Variants in ARID2 observed in about 807,000 individuals in gnomAD.
ARID2 encodes AT-rich interaction domain 2.
In ARID2, 32 loss-of-function variants were observed where a neutral mutation model predicts 184.6. The ratio of observed to expected loss-of-function variants is 0.17; its 90% CI spans 0.13 to 0.23. ARID2 has a LOEUF of 0.23. ARID2 is among the 10% of genes least tolerant of loss of function. ARID2 has a pLI of 1.00. For missense variants in ARID2, 1,696 were observed against 2,197.6 expected (o/e 0.77, Z 4.56); for synonymous variants, 836 against 772.6 (o/e 1.08, Z -1.36).
At position 45,904,819 on chromosome 12, in the gene ARID2, C is replaced by T. The variant is rs557354112; in HGVS notation, c.5364-115C>T. ...TCCTGCAATACTATATTAACATTTA[C>T]GGGGTGTGGAGCTATGTATTGTTTC... On this transcript the variant is annotated intron_variant, in intron 20 of 20. Transcript: ENST00000334344. The T allele has an allele frequency of 6.0e-4, 581 of 976,092 alleles. 3 individuals are homozygous for T. In the South Asian group the frequency reaches 9.7e-3, roughly 16 times the overall value. The allele number at this position is 976,092 out of a possible 1,614,324, so 60.5% of individuals were successfully genotyped here. A position where few individuals can be genotyped will look rare whatever the true frequency, so the allele number is the denominator to read the frequency against.
intron 1 of ARID2, 26 bp downstream of exon 1, chr12:45,729,954 G>A (rs1940943770): frequency 6.3e-7 from 1 of 1,599,838 alleles, no homozygotes. Context: ...GGGGGGCAGC[G>A]CCGGGGCGAG....
intron 5 of ARID2, among the ~76,000 whole-genome samples, chr12:45,818,658 A>G (rs1398725575): frequency 6.6e-6 from 1 of 152,158 alleles, no homozygotes; most frequent in Non-Finnish European, 1.5e-5. Context: ...AATTATATAT[A>G]TAGCACAGTA....
At chr12:45,846,303 C>T (rs903302712) in intron 11 of ARID2, among the ~76,000 whole-genome samples, 1 of 151,992 alleles carries the variant, frequency 6.6e-6, no homozygotes, top group African/African-American at 2.4e-5. Flanking sequence ...TAAATTAGTT[C>T]AGCTTTTGTT....
chr12:45,770,169 C>T (rs780474967), intron 3 of ARID2, among the ~76,000 whole-genome samples: 2 of 151,612 alleles, frequency 1.3e-5, no homozygotes, highest in Non-Finnish European at 2.9e-5. Context: ...AGGAGAATGG[C>T]GTGAATACGG....
intron 4 of ARID2, 93 bp downstream of exon 4, chr12:45,811,644 A>T: frequency 7.3e-7 from 1 of 1,368,826 alleles, no homozygotes; most frequent in Non-Finnish European, 9.9e-7. Flanking sequence ...TCCTTTGCAC[A>T]TGAGAACACT....
chr12:45,884,862 C>G (rs554288105), intron 16 of ARID2, among the ~76,000 whole-genome samples: 1 of 152,264 alleles, frequency 6.6e-6, no homozygotes, highest in African/African-American at 2.4e-5. Flanking sequence ...GGCAGCTACA[C>G]TAGTCAATCA....
chr12:45,764,281 A>G (rs1941731008), intron 3 of ARID2, among the ~76,000 whole-genome samples: 1 of 152,210 alleles, frequency 6.6e-6, no homozygotes, highest in African/African-American at 2.4e-5. Context: ...GTGAAAGAAC[A>G]CAGATTAGAA....
At chr12:45,888,907 G>T (rs986364019) in intron 16 of ARID2, among the ~76,000 whole-genome samples, 2 of 152,166 alleles carry the variant, frequency 1.3e-5, no homozygotes, top group Non-Finnish European at 2.9e-5. Flanking sequence ...GTACAAAGGG[G>T]CTGGGCTTGG....
intron 5 of ARID2, 79 bp from the exon 6 acceptor site, chr12:45,821,341 C>G: frequency 1.2e-6 from 1 of 868,462 alleles, no homozygotes. Context: ...TGTTGTTTTT[C>G]CAAGCCTATT....
rs2138174766 is a variant in ARID2, at chr12:45,851,935, G to A, written c.3812G>A (p.Cys1271Tyr). The change falls in exon 15 of 21, where the codon TGC becomes TAC. Residue 1271 changes from cysteine to tyrosine, a missense_variant. This residue lies in a region of ARID2 where 428 missense variants were observed against 409.1 expected (regional missense o/e 1.05). Transcript: ENST00000334344. ...RKIEVMENPSCRRGATNTSNG... is the reference protein window; with the variant it reads ...RKIEVMENPSYRRGATNTSNG... ...ATTGAAGTCATGGAGAACCCGTCCT[G>A]CCGACGAGGAGCCACAAACACCAGC... The A allele has an allele frequency of 6.2e-7, 1 of 1,614,164 alleles. No homozygotes were observed. Among genetic ancestry groups the A allele is most frequent in the Non-Finnish European group, 8.5e-7 (1 of 1,180,024 alleles).
At chr12:45,881,121 C>T (rs1170492227) in intron 16 of ARID2, 2 of 155,128 alleles carry the variant, frequency 1.3e-5, no homozygotes, top group African/African-American at 2.4e-5. Context: ...GCCTTGCAGT[C>T]ATGCTAGGGG....
At chr12:45,764,575 T>C (rs1247242712) in intron 3 of ARID2, among the ~76,000 whole-genome samples, 1 of 152,204 alleles carries the variant, frequency 6.6e-6, no homozygotes, top group Non-Finnish European at 1.5e-5. Context: ...CCCTTACAAA[T>C]GTGCTTTTTC....
At chr12:45,856,452 G>A (rs1943652950) in intron 15 of ARID2, among the ~76,000 whole-genome samples, 1 of 152,140 alleles carries the variant, frequency 6.6e-6, no homozygotes, top group Admixed American at 6.5e-5. Context: ...TAGCTTAAAG[G>A]AGTAGACAAA....
chr12:45,819,343 G>A (rs541032453), intron 5 of ARID2, among the ~76,000 whole-genome samples: 3 of 152,180 alleles, frequency 2.0e-5, no homozygotes, highest in East Asian at 1.9e-4. Flanking sequence ...ATGCAAAACC[G>A]CATTAATTTA....
chr12:45,774,647 C>T (rs7308893), intron 3 of ARID2, among the ~76,000 whole-genome samples: 13,047 of 152,124 alleles, frequency 0.086, 1,919 homozygotes, highest in African/African-American at 0.3. Context: ...CTCTAAGAGA[C>T]GATTCCTCCC....
chr12:45,741,409 G>T (rs1209622290), intron 3 of ARID2, among the ~76,000 whole-genome samples: 3 of 152,232 alleles, frequency 2.0e-5, no homozygotes, highest in South Asian at 2.1e-4. Flanking sequence ...TTTTGCTCAG[G>T]CTGGTCTCAA....
intron 16 of ARID2, among the ~76,000 whole-genome samples, chr12:45,870,046 C>T (rs940664410): frequency 4.0e-5 from 6 of 151,864 alleles, no homozygotes; most frequent in Non-Finnish European, 7.4e-5. Context: ...AGTGCAGTGG[C>T]GCGATCTCGG....
intron 16 of ARID2, among the ~76,000 whole-genome samples, chr12:45,870,536 C>T (rs373566818): frequency 6.6e-6 from 1 of 152,172 alleles, no homozygotes; most frequent in East Asian, 1.9e-4. Flanking sequence ...TGTCATGTCT[C>T]CAACATTACA....
rs1223363269 is a variant in ARID2 at position 45,899,711 on chromosome 12, T to TTA, written c.5364-5213_5364-5212dup. Among the ~76,000 whole-genome samples the TTA allele has an allele frequency of 7.2e-3, 961 of 132,824 alleles. 16 individuals are homozygous for TTA. Among genetic ancestry groups the TTA allele is most frequent in the African/African-American group, 0.025 (854 of 34,492 alleles). 87.1% of individuals were successfully genotyped at this position (132,824 alleles called of 152,430 possible). ...TATATATGGTTATATATATATATGG[T>TTA]TATATATATATGGTTATATATATAT... On this transcript the variant is annotated intron_variant, in intron 20 of 20. Transcript: ENST00000334344.
Sources: gnomAD v4.1 joint callset for allele counts (sites outside exome capture counted in the v4.1 genomes callset) on GRCh38, gnomAD v4.1.1 for gene constraint, gnomAD v4.1.1 regional missense constraint, MANE v1.5 for transcripts, NCBI Gene and HGNC (gene_info 2026-07-23, HGNC 2026-07-21) for gene names.